The following CIT variants were observed in gnomAD, a reference collection of about 807,000 sequenced individuals.
CIT encodes the protein citron rho-interacting serine/threonine kinase, also known as citron Rho-interacting kinase.
Under a neutral mutation model 272.7 loss-of-function variants are expected in CIT, and 79 were observed. The observed-to-expected ratio is 0.29, with a 90% CI of 0.24 to 0.35. CIT has a LOEUF of 0.35. CIT is among the 10% of genes least tolerant of loss of function. CIT has a pLI of 1.00. For synonymous variants in CIT, 948 were observed against 995.6 expected, an observed-to-expected ratio of 0.95 and a Z score of 0.90; for missense variants, 1,909 against 2,618.3, an observed-to-expected ratio of 0.73 and a Z score of 5.91.
intron 4 of CIT, among the ~76,000 whole-genome samples, chr12:119,851,637 G>A (rs1970227553): frequency 6.6e-6 from 1 of 152,342 alleles, no homozygotes; most frequent in Non-Finnish European, 1.5e-5. Flanking sequence ...TAAAACTAGT[G>A]ACAGAAATGG....
intron 13 of CIT, among the ~76,000 whole-genome samples, chr12:119,777,801 CA>C (rs1315839404): frequency 6.6e-6 from 1 of 151,936 alleles, no homozygotes; most frequent in East Asian, 1.9e-4. Context: ...ACAGGAGAGC[CA>C]AAAGGGATGT....
intron 26 of CIT, among the ~76,000 whole-genome samples, chr12:119,732,046 G>A (rs1958488973): frequency 6.6e-6 from 1 of 151,888 alleles, no homozygotes; most frequent in South Asian, 2.1e-4. Flanking sequence ...ATGTTGGCCA[G>A]GCTGGTCTCA....
At chr12:119,864,067 C>T (rs1375139967) in intron 3 of CIT, among the ~76,000 whole-genome samples, 4 of 151,664 alleles carry the variant, frequency 2.6e-5, no homozygotes, top group African/African-American at 9.7e-5. Flanking sequence ...CCCAAACAGA[C>T]TCAGATGCAC....
chr12:119,701,705 C>T lies in CIT; in HGVS notation c.5461G>A (p.Ala1821Thr), dbSNP rs574700924. The change falls in exon 43 of 48, where the codon GCC (alanine) becomes ACC (threonine). Residue 1821 changes from alanine (A) to threonine (T), a missense_variant. Transcript: ENST00000392521. The part of the protein sequence containing the change: ...DHSLAPAVFA[A>T]SSNSFPVSIV... The stretch of plus-strand genomic sequence containing the variant: ...GAGACAGGGAAGCTGTTGGAAGAGG[C>T]GGCAAACACAGCAGGTGCCAAGGAA... The T allele has an allele frequency of 1.4e-5, 23 of 1,614,186 alleles. No individual in the cohort carries two copies. In the South Asian group the frequency reaches 1.9e-4, roughly 13 times the overall value.
chr12:119,715,628 C>T (rs1187948671), intron 32 of CIT, among the ~76,000 whole-genome samples: 1 of 152,160 alleles, frequency 6.6e-6, no homozygotes, highest in African/African-American at 2.4e-5. Context: ...GAGGGTTACA[C>T]AACCCTGTAA....
At chr12:119,720,377 TTTC>T in intron 30 of CIT, 98 bp downstream of exon 30, 1 of 795,946 alleles carries the variant, frequency 1.3e-6, no homozygotes, top group Admixed American at 3.1e-5. Context: ...TATACTTTGT[TTTC>T]TTCTATGTTC....
At chr12:119,839,694 C>G (rs1969270539) in intron 5 of CIT, among the ~76,000 whole-genome samples, 2 of 152,108 alleles carry the variant, frequency 1.3e-5, no homozygotes, top group African/African-American at 4.8e-5. Flanking sequence ...CTGAATCATC[C>G]AGAGTCTTGC....
intron 37 of CIT, among the ~76,000 whole-genome samples, chr12:119,711,719 A>G (rs965036001): frequency 4.6e-5 from 7 of 152,162 alleles, no homozygotes; most frequent in Admixed American, 1.3e-4. Context: ...ACAGTGGCAC[A>G]ATCGTAGCTC....
At chr12:119,838,537 G>A (rs571140192) in intron 5 of CIT, among the ~76,000 whole-genome samples, 6 of 152,144 alleles carry the variant, frequency 3.9e-5, no homozygotes, top group Non-Finnish European at 7.3e-5. Flanking sequence ...GAGCTACTGC[G>A]GTGATTCAGA....
At chr12:119,856,288 T>C (rs1448740256) in intron 4 of CIT, among the ~76,000 whole-genome samples, 1 of 152,130 alleles carries the variant, frequency 6.6e-6, no homozygotes, top group Non-Finnish European at 1.5e-5. Flanking sequence ...AGGTATTGTA[T>C]AATGGATAGA....
chr12:119,775,697 C>A, intron 16 of CIT, 89 bp downstream of exon 16: 1 of 1,007,198 alleles, frequency 9.9e-7, no homozygotes, highest in South Asian at 1.4e-5. Flanking sequence ...AATTCTGTTT[C>A]TTTCATCTTT....
intron 47 of CIT, among the ~76,000 whole-genome samples, chr12:119,689,695 T>TTTTTTG (rs1555213865): frequency 4.2e-5 from 6 of 142,196 alleles, no homozygotes; most frequent in African/African-American, 1.6e-4. Flanking sequence ...TTTTTTTTTT[T>TTTTTTG]AAGACAGAGT....
rs188374821 is a variant in CIT at position 119,690,631 on chromosome 12, G to A, written c.5883-177C>T. 4.6e-5 allele frequency among the ~76,000 whole-genome samples: 7 copies of A among 152,232 alleles called. No homozygotes were observed. The highest frequency in any genetic ancestry group is 7.3e-5 in the Non-Finnish European group (5 of 68,048). ...ATTTTGGTAGCAAAGACAGGGAAGA[G>A]AGCAAAGATGGCAACAAAAGACAAC... On this transcript the variant is annotated intron_variant, in intron 46 of 47. Transcript: ENST00000392521. This position sits in a 1 kb window ranked among gnomAD's most constrained non-coding sequence, Gnocchi z 6.0.
chr12:119,752,134 C>G lies in CIT; in HGVS notation c.2820G>C (p.Ala940=), dbSNP rs557478027. ...CCTGGCGAAGCTGGCTCTCCAGGGC[C>G]GCCCGTGCAGCCTGCAGGGCTGTCA... ...SQLTALQAAR[A]ALESQLRQAK... Residue 940 remains alanine, a synonymous_variant, in exon 23 of 48, where the codon GCG becomes GCC. Transcript: ENST00000392521. 1.2e-6 allele frequency: 2 copies of G among 1,613,028 alleles called. No individual in the cohort carries two copies. Among genetic ancestry groups the G allele is most frequent in the Admixed American group, 3.3e-5 (2 of 60,024 alleles).
intron 4 of CIT, among the ~76,000 whole-genome samples, chr12:119,854,422 G>C (rs1481992216): frequency 6.6e-6 from 1 of 151,394 alleles, no homozygotes; most frequent in East Asian, 2.0e-4. Context: ...CAGATCACTT[G>C]AGGTCAGGAG....
At chr12:119,786,924 C>T (rs1964841747) in intron 10 of CIT, among the ~76,000 whole-genome samples, 4 of 152,078 alleles carry the variant, frequency 2.6e-5, no homozygotes, top group Admixed American at 1.3e-4. Context: ...AAGTTCAAGA[C>T]GGGCCTGGGC....
chr12:119,721,212 C>G, intron 29 of CIT, 97 bp downstream of exon 29: 1 of 1,100,316 alleles, frequency 9.1e-7, no homozygotes, highest in East Asian at 2.7e-5. Flanking sequence ...AGTAATCTGC[C>G]CTCCTCAGCC....
chr12:119,785,896 A>G (rs995312218), intron 10 of CIT, among the ~76,000 whole-genome samples: 1 of 151,962 alleles, frequency 6.6e-6, no homozygotes, highest in Non-Finnish European at 1.5e-5. Context: ...TAGACTTCTG[A>G]CCTCCAGAAC....
At chr12:119,759,701 G>A (rs1961499090) in intron 20 of CIT, among the ~76,000 whole-genome samples, 1 of 152,062 alleles carries the variant, frequency 6.6e-6, no homozygotes, top group African/African-American at 2.4e-5. Flanking sequence ...ATAGTCTGAG[G>A]TGGTACGGTT....
Sources: allele counts gnomAD v4.1 joint callset (sites outside exome capture counted in the v4.1 genomes callset), GRCh38; gene constraint gnomAD v4.1.1; non-coding constraint Gnocchi (gnomAD v3.1); transcripts MANE v1.5; gene names NCBI Gene and HGNC (gene_info 2026-07-23, HGNC 2026-07-21).